Variants in EFL1 observed in about 807,000 individuals in gnomAD.
EFL1 encodes the protein elongation factor like GTPase 1, also known as elongation factor-like GTPase 1.
Under a neutral mutation model 126.7 loss-of-function variants are expected in EFL1, and 76 were observed. That is an observed-to-expected ratio of 0.60 (90% CI 0.50 to 0.73). The LOEUF is 0.73. Ranked by LOEUF, EFL1 falls within the 30% of genes least tolerant of loss-of-function variation. EFL1 has a pLI of 0.00. For synonymous variants in EFL1, 410 were observed against 448.4 expected (o/e 0.91, Z 1.08); for missense variants, 1,128 against 1,343.2 (o/e 0.84, Z 2.50).
chr15:82,228,991 A>G, intron 9 of EFL1, 43 bp downstream of exon 9: 1 of 1,509,628 alleles, frequency 6.6e-7, no homozygotes, highest in Non-Finnish European at 9.0e-7. Flanking sequence ...GAGACAAATT[A>G]TACTGCCTAA....
chr15:82,200,279 A>G (rs892497072), intron 15 of EFL1, among the ~76,000 whole-genome samples: 18 of 152,234 alleles, frequency 1.2e-4, no homozygotes, highest in Non-Finnish European at 2.2e-4. Context: ...ATGGTAGAAA[A>G]TAAGAGAATT....
chr15:82,217,373 G>GAAAAAAAAAAAAAAAAAA, intron 14 of EFL1, among the ~76,000 whole-genome samples: 2 of 27,150 alleles, frequency 7.4e-5, no homozygotes, highest in Non-Finnish European at 1.4e-4. Flanking sequence ...GATTAGATTT[G>GAAAAAAAAAAAAAAAAAA]AAAAAAAAAA....
At chr15:82,196,808 C>A (rs1181829444) in intron 15 of EFL1, among the ~76,000 whole-genome samples, 1 of 152,066 alleles carries the variant, frequency 6.6e-6, no homozygotes, top group Non-Finnish European at 1.5e-5. Context: ...CCAAGGCGGG[C>A]GGATCACGAG....
chr15:82,140,031 G>A (rs548826865), intron 18 of EFL1, among the ~76,000 whole-genome samples: 1 of 152,230 alleles, frequency 6.6e-6, no homozygotes, highest in South Asian at 2.1e-4. Context: ...AAAATCTATT[G>A]TGTCACAACG....
At chr15:82,179,497 C>T (rs1295636375) in intron 15 of EFL1, among the ~76,000 whole-genome samples, 1 of 152,134 alleles carries the variant, frequency 6.6e-6, no homozygotes, top group Non-Finnish European at 1.5e-5. Context: ...TGGGGAAAGG[C>T]TCATCCCAGA....
chr15:82,185,204 TGTGTGTGTGTGC>T (rs1440711839), intron 15 of EFL1, among the ~76,000 whole-genome samples: 4 of 143,792 alleles, frequency 2.8e-5, no homozygotes, highest in African/African-American at 7.8e-5. Context: ...TGTGTGTGTG[TGTGTGTGTGTGC>T]GTTCCTCAAT....
intron 19 of EFL1, among the ~76,000 whole-genome samples, chr15:82,133,558 G>A (rs531210455): frequency 1.3e-5 from 2 of 152,352 alleles, no homozygotes; most frequent in South Asian, 4.1e-4. Flanking sequence ...TCAATGTACT[G>A]TAAGAGATGT....
intron 15 of EFL1, among the ~76,000 whole-genome samples, chr15:82,165,548 T>C (rs531787601): frequency 2.8e-4 from 42 of 152,294 alleles, no homozygotes; most frequent in Admixed American, 6.5e-4. Flanking sequence ...TCCACCTGAA[T>C]ATCTACGGTC....
intron 18 of EFL1, among the ~76,000 whole-genome samples, chr15:82,139,208 AT>A (rs2073759045): frequency 1.3e-5 from 2 of 152,310 alleles, no homozygotes; most frequent in South Asian, 4.1e-4. Flanking sequence ...AAATATTAAA[AT>A]ATTTGAATAA....
At chr15:82,196,063 C>T (rs2074404949) in intron 15 of EFL1, among the ~76,000 whole-genome samples, 3 of 152,008 alleles carry the variant, frequency 2.0e-5, no homozygotes, top group South Asian at 2.1e-4. Context: ...CAGCGTGTAC[C>T]GAGACACAGA....
rs538320402 is a variant in EFL1, at chr15:82,245,813, C to T, written c.245-4410G>A. On this transcript the variant is annotated intron_variant, in intron 4 of 19. Coordinates refer to ENST00000268206, the MANE Select transcript of EFL1 (RefSeq NM_024580.6). Reference sequence around the variant, plus strand: ...AGCCAGGCATGGTGGCACATGCCTGCAGTATTAGCTACTCGGGAGGCTGAG... The same window carrying T: ...AGCCAGGCATGGTGGCACATGCCTGTAGTATTAGCTACTCGGGAGGCTGAG... Among the ~76,000 whole-genome samples, 254 of 151,794 alleles carry T rather than the reference C, an allele frequency of 1.7e-3. 1 individual carries two copies. Among genetic ancestry groups the T allele is most frequent in the South Asian group, 4.2e-3 (20 of 4,808 alleles).
At chr15:82,202,650 GT>G (rs1197718935) in intron 15 of EFL1, among the ~76,000 whole-genome samples, 4 of 152,294 alleles carry the variant, frequency 2.6e-5, no homozygotes, top group Non-Finnish European at 4.4e-5. Context: ...AGAGAGGCCT[GT>G]TGCCCAGGGC....
At chr15:82,173,149 T>C (rs1336240713) in intron 15 of EFL1, among the ~76,000 whole-genome samples, 9 of 151,656 alleles carry the variant, frequency 5.9e-5, no homozygotes, top group Non-Finnish European at 1.2e-4. Flanking sequence ...CAACAGGAGA[T>C]TGAAAAAATA....
chr15:82,195,126 A>C (rs2074395945), intron 15 of EFL1, among the ~76,000 whole-genome samples: 1 of 152,210 alleles, frequency 6.6e-6, no homozygotes, highest in Non-Finnish European at 1.5e-5. Flanking sequence ...AGGTTTAATG[A>C]ACTTGGTTTC....
intron 16 of EFL1, among the ~76,000 whole-genome samples, chr15:82,158,224 C>G (rs1176460255): frequency 6.6e-6 from 1 of 152,098 alleles, no homozygotes; most frequent in Non-Finnish European, 1.5e-5. Flanking sequence ...CAAACATCGC[C>G]TATAAAATCA....
In EFL1 at chr15:82,230,879, A is replaced by G; in HGVS notation, c.824T>C (p.Met275Thr). 1 of 1,612,662 alleles carries G rather than the reference A, an allele frequency of 6.2e-7. No homozygotes were observed. Among genetic ancestry groups the G allele is most frequent in the Non-Finnish European group, 8.5e-7 (1 of 1,179,308 alleles). The change falls in exon 8 of 20, where the codon ATG (methionine) becomes ACG (threonine). Residue 275 changes from methionine (M) to threonine (T), a missense_variant. By Grantham distance (81) the Met-to-Thr change is moderately conservative. This residue lies in a region of EFL1 where 316 missense variants were observed against 318.5 expected (regional missense o/e 0.99). Transcript: ENST00000268206. ...KTLWGDYYIN[M>T]KAKKIMKGDQ... The stretch of plus-strand genomic sequence containing the variant: ...ACCCTTCATGATCTTTTTAGCCTTC[A>G]TATTTATATAGTAATCTCCCCACAA...
Position 82,229,129 on chromosome 15 carries a change from G to T in EFL1, c.856-19C>A. ...CTTTGGCCTGTACAAAAGAACATAC[G>T]GGCTTAAGTTCCTGAACATTTAATA... On this transcript the variant is annotated intron_variant, in intron 8 of 19. Coordinates refer to ENST00000268206, the MANE Select transcript of EFL1 (RefSeq NM_024580.6). 1 of 1,588,036 alleles carries T rather than the reference G, an allele frequency of 6.3e-7. No homozygotes were observed. Among genetic ancestry groups the T allele is most frequent in the South Asian group, 1.2e-5 (1 of 86,426 alleles).
intron 4 of EFL1, among the ~76,000 whole-genome samples, chr15:82,246,398 A>G (rs2074973179): frequency 6.6e-6 from 1 of 152,136 alleles, no homozygotes; most frequent in South Asian, 2.1e-4. Flanking sequence ...CCCTGGAGAG[A>G]AGGTCATAGA....
chr15:82,143,354 A>C (rs2073809316), intron 18 of EFL1, among the ~76,000 whole-genome samples: 1 of 152,240 alleles, frequency 6.6e-6, no homozygotes, highest in Non-Finnish European at 1.5e-5. Context: ...ACTATTATGG[A>C]CAAGGGTTGT....
Sources: gnomAD v4.1 joint callset for allele counts (sites outside exome capture counted in the v4.1 genomes callset) on GRCh38, gnomAD v4.1.1 for gene constraint, gnomAD v4.1.1 regional missense constraint, MANE v1.5 for transcripts, NCBI Gene and HGNC (gene_info 2026-07-23, HGNC 2026-07-21) for gene names.